Variants in PHF3 observed in about 807,000 individuals in gnomAD.
PHF3 encodes the protein PHD finger protein 3.
A neutral mutation model predicts 178.4 loss-of-function variants in PHF3; 41 were observed. The observed-to-expected ratio is 0.23, with a 90% CI of 0.18 to 0.30. The LOEUF is 0.30. Among genes scored for constraint, PHF3 ranks in the 10% least tolerant of loss-of-function variants. The pLI is 1.00. For missense variants in PHF3, 2,346 were observed against 2,398.1 expected (o/e 0.98, Z 0.45); for synonymous variants, 842 against 800.5 (o/e 1.05, Z -0.88).
At chr6:63,687,732 A>G (rs904130952) in intron 4 of PHF3, among the ~76,000 whole-genome samples, 5 of 152,196 alleles carry the variant, frequency 3.3e-5, no homozygotes, top group East Asian at 1.9e-4. Flanking sequence ...ATGATGACTC[A>G]TGCTTCACCA....
At chr6:63,655,894 T>C (rs1264479420) in intron 2 of PHF3, among the ~76,000 whole-genome samples, 1 of 152,198 alleles carries the variant, frequency 6.6e-6, no homozygotes, top group African/African-American at 2.4e-5. Context: ...TCTGCCGCCT[T>C]GTCCTCTCAA....
At chr6:63,664,818 A>C (rs1224258277) in intron 2 of PHF3, among the ~76,000 whole-genome samples, 1 of 152,112 alleles carries the variant, frequency 6.6e-6, no homozygotes, top group African/African-American at 2.4e-5. Flanking sequence ...TCGATTATAC[A>C]TACATTTAAA....
intron 2 of PHF3, among the ~76,000 whole-genome samples, chr6:63,654,215 A>T (rs1035183136): frequency 3.3e-5 from 5 of 152,230 alleles, no homozygotes; most frequent in African/African-American, 1.2e-4. Flanking sequence ...AATGTTTGAT[A>T]GAATTCTGCA....
chr6:63,684,983 T>G lies in PHF3; in HGVS notation c.1261T>G (p.Leu421Val). ...LESTEFNKSN[L>V]EVVDTSTFGP... ...GAGCACTGAGTTTAATAAATCAAAC[T>G]TAGAGGTGGTTGATACTAGTACTTT... Residue 421 changes from leucine (L) to valine (V), a missense_variant, in exon 4 of 16, where the codon TTA (leucine) becomes GTA (valine). Leu to Val is a conservative substitution (Grantham distance 32). Coordinates refer to ENST00000262043, the MANE Select transcript of PHF3 (RefSeq NM_001370348.2). The G allele has an allele frequency of 1.9e-6, 3 of 1,614,032 alleles. No individual in the cohort carries two copies. Among genetic ancestry groups the G allele is most frequent in the Non-Finnish European group, 2.5e-6 (3 of 1,179,956 alleles).
rs139681301 is a variant in PHF3, at chr6:63,694,680, C to T, written c.2596C>T (p.Arg866Trp). The change falls in exon 6 of 16, where the codon CGG (arginine) becomes TGG (tryptophan). Residue 866 changes from arginine to tryptophan, a missense_variant. Arg to Trp is a moderately radical substitution (Grantham distance 101). This residue lies in a region of PHF3 where 252 missense variants were observed against 232.0 expected (regional missense o/e 1.09). Coordinates refer to ENST00000262043, the MANE Select transcript of PHF3 (RefSeq NM_001370348.2). ...LRKMGQPVLPRRSSEEKSEKI... is the reference protein window; with the variant it reads ...LRKMGQPVLPWRSSEEKSEKI... ...TAAGATGGGACAACCAGTTTTACCT[C>T]GGAGATCCTCAGAAGAAAAAAGTGA... 1.2e-5 allele frequency: 20 copies of T among 1,600,376 alleles called. No individual in the cohort carries two copies. The highest frequency in any genetic ancestry group is 2.7e-5 in the African/African-American group (2 of 74,318).
Position 63,720,589 on chromosome 6 carries a change from T to C in PHF3, c.*6881T>C. 1.1e-5 allele frequency: 16 copies of C among 1,455,454 alleles called. No homozygotes were observed. The highest frequency in any genetic ancestry group is 1.5e-5 in the Non-Finnish European group (16 of 1,096,178). The allele number at this position is 1,455,454 out of a possible 1,614,324, so 90.2% of individuals were successfully genotyped here. On this transcript the variant is annotated 3_prime_UTR_variant, in exon 16 of 16. Coordinates refer to ENST00000262043, the MANE Select transcript of PHF3 (RefSeq NM_001370348.2). The stretch of plus-strand genomic sequence containing the variant: ...GTATAGTGTGTACTAAAATCTCTAG[T>C]GTTAACTTATGTAACCTCATTTTGT...
intron 6 of PHF3, among the ~76,000 whole-genome samples, chr6:63,696,561 C>A (rs1388583160): frequency 6.6e-6 from 1 of 152,196 alleles, no homozygotes; most frequent in Non-Finnish European, 1.5e-5. Flanking sequence ...TTCAAGTGAT[C>A]TTCCTGCTTT....
rs751505315 is a variant in PHF3 at position 63,684,314 on chromosome 6, A to G, written c.592A>G (p.Arg198Gly). ...GAAACCTGAGTACCATAAGGAGAAT[A>G]GAAGGTGCAGCCGAAATAGCGGACA... ...SLKPEYHKEN[R>G]RCSRNSGQIE... The change falls in exon 4 of 16, where the codon AGA becomes GGA. Residue 198 changes from arginine (R) to glycine (G), a missense_variant. Around this residue, in one of 8 missense-constraint regions of PHF3, gnomAD observed 843 missense variants for 795.2 expected, o/e 1.06. Transcript: ENST00000262043. The G allele has an allele frequency of 1.2e-6, 2 of 1,614,048 alleles. No homozygotes were observed. Among genetic ancestry groups the G allele is most frequent in the Non-Finnish European group, 8.5e-7 (1 of 1,179,898 alleles).
In PHF3 at chr6:63,718,104, G is replaced by A. The variant is rs2149620489; in HGVS notation, c.*4396G>A. 6.6e-6 allele frequency among the ~76,000 whole-genome samples: 1 copy of A among 152,074 alleles called. No individual in the cohort carries two copies. Among genetic ancestry groups the A allele is most frequent in the East Asian group, 1.9e-4 (1 of 5,172 alleles). ...TACATGAACTTTCCAGGATTTTAAGGTGAAAAATATATTTTCAAGTCATTT... is the reference window on the plus strand; with the variant it reads ...TACATGAACTTTCCAGGATTTTAAGATGAAAAATATATTTTCAAGTCATTT... On this transcript the variant is annotated 3_prime_UTR_variant, in exon 16 of 16. Transcript: ENST00000262043.
At chr6:63,709,722 T>C (rs778577018) in intron 14 of PHF3, among the ~76,000 whole-genome samples, 2 of 152,180 alleles carry the variant, frequency 1.3e-5, no homozygotes, top group Non-Finnish European at 2.9e-5. Flanking sequence ...TTAACTTCCA[T>C]TGGAAAGAAC....
Position 63,720,458 on chromosome 6 carries a change from T to A in PHF3, c.*6750T>A. 2 of 610,876 alleles carry A rather than the reference T, an allele frequency of 3.3e-6. No homozygotes were observed. The allele number at this position is 610,876 out of a possible 1,614,324, so 37.8% of individuals were successfully genotyped here. A position where few individuals can be genotyped will look rare whatever the true frequency, so the allele number is the denominator to read the frequency against. ...CCTTCAGTGACATTTTACAATCTTATCAAAAAGATATGTTAGCATTTAGAC... is the reference window on the plus strand; with the variant it reads ...CCTTCAGTGACATTTTACAATCTTAACAAAAAGATATGTTAGCATTTAGAC... On this transcript the variant is annotated 3_prime_UTR_variant, in exon 16 of 16. Transcript: ENST00000262043.
chr6:63,703,388 G>A, intron 10 of PHF3, 148 bp from the exon 11 acceptor site: 1 of 741,926 alleles, frequency 1.3e-6, no homozygotes, highest in Non-Finnish European at 2.1e-6. Context: ...TTAAGAAATA[G>A]TAAAAAAAAA....
intron 11 of PHF3, among the ~76,000 whole-genome samples, chr6:63,703,923 A>G (rs1012380541): frequency 1.3e-5 from 2 of 152,316 alleles, no homozygotes; most frequent in African/African-American, 4.8e-5. Context: ...GCTGGAGTCA[A>G]ATGACAAGAA....
chr6:63,662,170 G>A lies in PHF3; in HGVS notation c.244+15375G>A, dbSNP rs138455906. ...TTATCACAAAACCACCCCCTCATCC[G>A]TGGAAAAATTGTCTTCCATGAAACT... On this transcript the variant is annotated intron_variant, in intron 2 of 15. Coordinates refer to ENST00000262043, the MANE Select transcript of PHF3 (RefSeq NM_001370348.2). Among the ~76,000 whole-genome samples, 361 of 152,202 alleles carry A rather than the reference G, an allele frequency of 2.4e-3. 1 individual carries two copies. Among genetic ancestry groups the A allele is most frequent in the African/African-American group, 8.3e-3 (344 of 41,528 alleles).
rs776128855 is a variant in PHF3 at position 63,694,662 on chromosome 6, G to A, written c.2578G>A (p.Gly860Arg). 1.3e-6 allele frequency: 2 copies of A among 1,598,226 alleles called. No homozygotes were observed. Among genetic ancestry groups the A allele is most frequent in the Non-Finnish European group, 8.5e-7 (1 of 1,171,424 alleles). The stretch of plus-strand genomic sequence containing the variant: ...GCAGCTAGCTCCTCTTCGTAAGATG[G>A]GACAACCAGTTTTACCTCGGAGATC... ...KWQLAPLRKM[G>R]QPVLPRRSSE... is the part of the protein sequence containing the mutation. The change falls in exon 6 of 16, where the codon GGA becomes AGA. Residue 860 changes from glycine (G) to arginine (R), a missense_variant. Transcript: ENST00000262043.
chr6:63,674,660 G>T (rs1334667201), intron 2 of PHF3, among the ~76,000 whole-genome samples: 1 of 151,990 alleles, frequency 6.6e-6, no homozygotes, highest in African/African-American at 2.4e-5. Flanking sequence ...TTAAGAGGAG[G>T]TGTTCACATA....
At chr6:63,705,754 C>G (rs1385945106) in intron 11 of PHF3, among the ~76,000 whole-genome samples, 2 of 152,084 alleles carry the variant, frequency 1.3e-5, no homozygotes, top group African/African-American at 4.8e-5. Flanking sequence ...ACAGGTAGAA[C>G]CATGCATGAT....
At chr6:63,660,332 A>G (rs561242662) in intron 2 of PHF3, among the ~76,000 whole-genome samples, 48 of 151,934 alleles carry the variant, frequency 3.2e-4, no homozygotes, top group African/African-American at 1.0e-3. Context: ...TTGATTCAGG[A>G]TGGAATGCAA....
intron 9 of PHF3, among the ~76,000 whole-genome samples, chr6:63,701,486 A>G (rs1253261905): frequency 1.3e-5 from 2 of 152,214 alleles, no homozygotes; most frequent in South Asian, 4.1e-4. Flanking sequence ...CATGTTATCC[A>G]ATTTTTGTAT....
Sources: allele counts gnomAD v4.1 joint callset (sites outside exome capture counted in the v4.1 genomes callset), GRCh38; gene constraint gnomAD v4.1.1; regional missense constraint gnomAD v4.1.1; transcripts MANE v1.5; gene names NCBI Gene and HGNC (gene_info 2026-07-23, HGNC 2026-07-21).